TESK2: variants seen among roughly 807,000 people sequenced by gnomAD.
The protein encoded by TESK2 is testis associated actin remodelling kinase 2.
A neutral mutation model predicts 57.1 loss-of-function variants in TESK2; 39 were observed. The observed-to-expected ratio is 0.68, with a 90% confidence interval of 0.53 to 0.89. The LOEUF (loss-of-function observed/expected upper bound fraction) is 0.89, where lower values mean the gene tolerates loss of function less well. TESK2 is among the 40% of genes least tolerant of loss of function. The pLI, the probability that TESK2 is intolerant of heterozygous loss-of-function variation, is 0.00. For synonymous variants in TESK2, 249 were observed against 267.9 expected (o/e 0.93, Z 0.69); for missense variants, 646 against 732.1 (o/e 0.88, Z 1.36).
At chr1:45,417,738 C>G (rs1650301243) in intron 3 of TESK2, among the ~76,000 whole-genome samples, 1 of 151,678 alleles carries the variant, frequency 6.6e-6, no homozygotes, top group Non-Finnish European at 1.5e-5. Context: ...ACTACAGGCA[C>G]CCACCACCAC....
At chr1:45,486,782 TACACACACACAC>T (rs71052887) in intron 1 of TESK2, among the ~76,000 whole-genome samples, 80 of 115,888 alleles carry the variant, frequency 6.9e-4, no homozygotes, top group African/African-American at 2.7e-3. Context: ...CCTCCCAGCA[TACACACACACAC>T]ACACACACAC....
chr1:45,441,963 T>A (rs2149294154), intron 2 of TESK2, among the ~76,000 whole-genome samples: 1 of 152,148 alleles, frequency 6.6e-6, no homozygotes, highest in African/African-American at 2.4e-5. Context: ...TGAGACAAGG[T>A]TCTGCTCTTG....
At chr1:45,436,176 ATCT>A (rs200808444) in intron 2 of TESK2, among the ~76,000 whole-genome samples, 20,642 of 53,930 alleles carry the variant, frequency 0.38, 2,491 homozygotes, top group Non-Finnish European at 0.45. Flanking sequence ...TGACATTGGT[ATCT>A]TCTTTTTTTT....
intron 1 of TESK2, among the ~76,000 whole-genome samples, chr1:45,481,732 G>C (rs1474088427): frequency 6.6e-6 from 1 of 151,812 alleles, no homozygotes; most frequent in Non-Finnish European, 1.5e-5. Flanking sequence ...AAAAAATTAA[G>C]AAAAAGTTAG....
intron 3 of TESK2, among the ~76,000 whole-genome samples, chr1:45,412,795 G>A (rs1464295680): frequency 6.6e-6 from 1 of 152,184 alleles, no homozygotes; most frequent in Non-Finnish European, 1.5e-5. Flanking sequence ...GAGGTGGGAG[G>A]ATTGCTTGAG....
chr1:45,467,890 T>C (rs1260026255), intron 1 of TESK2, among the ~76,000 whole-genome samples: 2 of 152,094 alleles, frequency 1.3e-5, no homozygotes, highest in Non-Finnish European at 2.9e-5. Context: ...CTTAAAATAT[T>C]GGGTGGGATC....
chr1:45,383,670 G>A (rs553562438), intron 4 of TESK2, among the ~76,000 whole-genome samples: 13 of 152,122 alleles, frequency 8.5e-5, no homozygotes, highest in Admixed American at 1.3e-4. Context: ...TAACACACCA[G>A]CCCTTCCAAT....
intron 2 of TESK2, among the ~76,000 whole-genome samples, chr1:45,431,418 A>C (rs1479901859): frequency 6.6e-6 from 1 of 152,104 alleles, no homozygotes; most frequent in African/African-American, 2.4e-5. Context: ...AACCTATCTA[A>C]AAGAAAAAAA....
At chr1:45,429,901 C>T (rs532439391) in intron 2 of TESK2, among the ~76,000 whole-genome samples, 1 of 152,272 alleles carries the variant, frequency 6.6e-6, no homozygotes, top group East Asian at 1.9e-4. Context: ...TTTGAAAGGG[C>T]TAATAATACA....
At chr1:45,372,880 T>C (rs1648253743) in intron 4 of TESK2, among the ~76,000 whole-genome samples, 1 of 150,938 alleles carries the variant, frequency 6.6e-6, no homozygotes, top group African/African-American at 2.4e-5. Context: ...AATACAAAAT[T>C]AGCTGGGCGT....
At chr1:45,462,935 G>A (rs775766148) in intron 1 of TESK2, among the ~76,000 whole-genome samples, 1 of 152,116 alleles carries the variant, frequency 6.6e-6, no homozygotes, top group African/African-American at 2.4e-5. Context: ...CCATTTTAAG[G>A]GTGAGATGAT....
intron 1 of TESK2, among the ~76,000 whole-genome samples, chr1:45,461,939 A>T (rs1652348735): frequency 6.6e-6 from 1 of 152,178 alleles, no homozygotes; most frequent in Non-Finnish European, 1.5e-5. Flanking sequence ...AAACATTCCA[A>T]TCGTACTCTC....
rs770183646 is a variant in TESK2, at chr1:45,347,026, T to G, written c.745A>C (p.Ile249Leu). ...VFSYGIILCE[I>L]IARIQADPDY... ...GGATCGGCCTGGATGCGGGCGATGA[T>G]CTCGCAGAGGATGATACCATAAGAG... Residue 249 changes from isoleucine (I) to leucine (L), a missense_variant, in exon 8 of 11, where the codon ATC becomes CTC. Physicochemically the swap from Ile to Leu is conservative, Grantham distance 5. Coordinates refer to ENST00000372086, the MANE Select transcript of TESK2 (RefSeq NM_007170.3). 6.8e-6 allele frequency: 11 copies of G among 1,614,054 alleles called. No individual in the cohort carries two copies. The Admixed American group carries it at 1.3e-4, about 20-fold the overall frequency.
At chr1:45,456,197 A>AAAAAT (rs202094471) in intron 2 of TESK2, among the ~76,000 whole-genome samples, 28,618 of 150,130 alleles carry the variant, frequency 0.19, 3,241 homozygotes, top group Non-Finnish European at 0.27. Context: ...CCCTGTCTCA[A>AAAAAT]AAAATAAAAT....
In TESK2 at chr1:45,366,333, C is replaced by T. The variant is rs539286766; in HGVS notation, c.394-10884G>A. Reference sequence around the variant, plus strand: ...AACTCCTGACCTCAAGTGATCTGACCGCTTAAGCCTCCCAAAGTGTTGGGA... The same window carrying T: ...AACTCCTGACCTCAAGTGATCTGACTGCTTAAGCCTCCCAAAGTGTTGGGA... On this transcript the variant is annotated intron_variant, in intron 4 of 10. Coordinates refer to ENST00000372086, the MANE Select transcript of TESK2 (RefSeq NM_007170.3). Among the ~76,000 whole-genome samples the T allele has an allele frequency of 9.2e-5, 14 of 152,150 alleles. No homozygotes were observed. The South Asian group carries it at 2.7e-3, about 29-fold the overall frequency.
At chr1:45,396,688 C>T (rs1649374740) in intron 3 of TESK2, among the ~76,000 whole-genome samples, 1 of 151,348 alleles carries the variant, frequency 6.6e-6, no homozygotes, top group South Asian at 2.1e-4. Flanking sequence ...AGGGTTTTGC[C>T]ACGTTGGCCA....
chr1:45,468,168 T>A (rs1172991335), intron 1 of TESK2, among the ~76,000 whole-genome samples: 1 of 147,338 alleles, frequency 6.8e-6, no homozygotes, highest in African/African-American at 2.6e-5. Flanking sequence ...AGAGCAAACG[T>A]CTGTCTCAAA....
Position 45,344,771 on chromosome 1 carries a change from G to T in TESK2, c.*69C>A. 4 of 1,413,120 alleles carry T rather than the reference G, an allele frequency of 2.8e-6. No homozygotes were observed. The highest frequency in any genetic ancestry group is 2.3e-5 in the East Asian group (1 of 43,762). The allele number at this position is 1,413,120 out of a possible 1,614,324, so 87.5% of individuals were successfully genotyped here. On this transcript the variant is annotated 3_prime_UTR_variant, in exon 11 of 11. Coordinates refer to ENST00000372086, the MANE Select transcript of TESK2 (RefSeq NM_007170.3). ...TAGGCTCCAGGGAAGAATCAAGGCT[G>T]TGCACCTAGGGGGCCATATGGTTTC... is the stretch of plus-strand genomic sequence containing the variant.
intron 3 of TESK2, among the ~76,000 whole-genome samples, chr1:45,420,538 T>A (rs1174694721): frequency 6.6e-6 from 1 of 151,332 alleles, no homozygotes; most frequent in African/African-American, 2.4e-5. Flanking sequence ...ATTACAGGCA[T>A]GAGCCATCAT....
Sources: allele counts gnomAD v4.1 joint callset (sites outside exome capture counted in the v4.1 genomes callset), GRCh38; gene constraint gnomAD v4.1.1; transcripts MANE v1.5; gene names NCBI Gene and HGNC (gene_info 2026-07-23, HGNC 2026-07-21).